VWF: variants seen among roughly 807,000 people sequenced by gnomAD.
The protein encoded by VWF is Factor VIII related antigen.
Under a neutral mutation model 308.6 loss-of-function variants are expected in VWF, and 176 were observed. That is an observed-to-expected ratio of 0.57 (90% CI 0.50 to 0.65). The LOEUF is 0.65. VWF is among the 30% of genes least tolerant of loss of function. VWF has a pLI of 0.00. For missense variants in VWF, 3,146 were observed against 3,648.2 expected (o/e 0.86, Z 3.55); for synonymous variants, 1,385 against 1,443.4 (o/e 0.96, Z 0.92).
At chr12:6,073,805 C>T in intron 7 of VWF, 64 bp from the exon 8 acceptor site, 1 of 1,609,580 alleles carries the variant, frequency 6.2e-7, no homozygotes, top group South Asian at 1.1e-5. Context: ...TCTCACCAGC[C>T]ATGCCACAGC....
At chr12:5,967,445 C>G in intron 47 of VWF, 41 bp downstream of exon 47, 1 of 1,564,548 alleles carries the variant, frequency 6.4e-7, no homozygotes, top group Non-Finnish European at 8.8e-7. Context: ...GTCCCACACG[C>G]GTCCAGTCCA....
intron 38 of VWF, among the ~76,000 whole-genome samples, chr12:5,988,801 C>CA (rs1231032540): frequency 1.3e-5 from 2 of 152,190 alleles, no homozygotes; most frequent in African/African-American, 4.8e-5. Context: ...CAGGCAGTCG[C>CA]AATCGCCAGG....
At chr12:5,962,845 G>A (rs10849364) in intron 47 of VWF, among the ~76,000 whole-genome samples, 43,175 of 152,034 alleles carry the variant, frequency 0.28, 6,358 homozygotes, top group African/African-American at 0.33. Flanking sequence ...CAGCACGCCC[G>A]GCCAGCAATT....
intron 24 of VWF, among the ~76,000 whole-genome samples, chr12:6,025,191 A>C (rs11611919): frequency 6.6e-6 from 1 of 152,014 alleles, no homozygotes; most frequent in Non-Finnish European, 1.5e-5. Flanking sequence ...AAGGGGTTTT[A>C]GGGGGTGGGA....
chr12:6,096,624 A>T (rs1272077470), intron 5 of VWF, among the ~76,000 whole-genome samples: 2 of 152,178 alleles, frequency 1.3e-5, no homozygotes, highest in Non-Finnish European at 2.9e-5. Flanking sequence ...ATGACATGGA[A>T]CCTAAGCCCA....
chr12:5,988,438 G>C (rs545095435), intron 38 of VWF, among the ~76,000 whole-genome samples: 2 of 152,308 alleles, frequency 1.3e-5, no homozygotes, highest in South Asian at 4.1e-4. Flanking sequence ...GATGCGGAAG[G>C]AGAGAGTCAT....
At chr12:6,092,614 T>TGAGTGAGAGAGAGAGAGAGCGAGAGAGA (rs71064187) in intron 6 of VWF, among the ~76,000 whole-genome samples, 1 of 86,056 alleles carries the variant, frequency 1.2e-5, no homozygotes, top group African/African-American at 5.8e-5. Context: ...AGTGAGTGAG[T>TGAGTGAGAGAGAGAGAGAGCGAGAGAGA]GAGAGTGTGT....
intron 16 of VWF, among the ~76,000 whole-genome samples, chr12:6,050,186 G>A (rs544822118): frequency 1.2e-4 from 18 of 152,212 alleles, no homozygotes; most frequent in Admixed American, 3.9e-4. Context: ...CTGTTCTTGC[G>A]TCACTGTCCT....
At position 6,073,701 on chromosome 12, in the gene VWF, C is replaced by T. The variant is rs773422295; in HGVS notation, c.915G>A (p.Val305=). Residue 305 remains valine (V), a synonymous_variant, in exon 8 of 52, where the codon GTG becomes GTA. Transcript: ENST00000261405. ...TCTGGCAGGTCCTGGCGCAAGGGGA[C>T]ACACACTGCCTATACTCCATACCAG... ...CPAGMEYRQC[V]SPCARTCQSL... is the part of the protein sequence containing the mutation. 1.9e-6 allele frequency: 3 copies of T among 1,614,062 alleles called. No homozygotes were observed. Among genetic ancestry groups the T allele is most frequent in the Non-Finnish European group, 8.5e-7 (1 of 1,180,020 alleles).
intron 6 of VWF, among the ~76,000 whole-genome samples, chr12:6,093,966 G>A (rs1945077842): frequency 6.6e-6 from 1 of 152,210 alleles, no homozygotes; most frequent in East Asian, 1.9e-4. Flanking sequence ...TGTGGAAGGG[G>A]TGGGGCAGTC....
At chr12:5,998,390 C>T (rs1187105847) in intron 34 of VWF, among the ~76,000 whole-genome samples, 2 of 142,750 alleles carry the variant, frequency 1.4e-5, no homozygotes, top group Admixed American at 7.1e-5. Context: ...CCCAGCTACT[C>T]GGGAGGCTGA....
chr12:6,113,843 G>A (rs975606765), intron 3 of VWF, among the ~76,000 whole-genome samples: 1 of 152,206 alleles, frequency 6.6e-6, no homozygotes, highest in Non-Finnish European at 1.5e-5. Flanking sequence ...TGGGGCTGGA[G>A]CTCTGAACAC....
At chr12:5,950,708 G>C (rs2136337677) in intron 50 of VWF, among the ~76,000 whole-genome samples, 1 of 152,048 alleles carries the variant, frequency 6.6e-6, no homozygotes, top group East Asian at 1.9e-4. Flanking sequence ...ATGTTGCTGT[G>C]GATTTAAGGC....
At position 6,070,341 on chromosome 12, in the gene VWF, A is replaced by G. The variant is rs1007810897; in HGVS notation, c.1156+956T>C. Reference sequence around the variant, plus strand: ...ACTGGATGAGGTCCTGAGTCATCCTAAAGTCTTTAACTCACAGACCCTAAA... The same window carrying G: ...ACTGGATGAGGTCCTGAGTCATCCTGAAGTCTTTAACTCACAGACCCTAAA... On this transcript the variant is annotated intron_variant, in intron 10 of 51. Transcript: ENST00000261405. Among the ~76,000 whole-genome samples, 3 of 152,190 alleles carry G rather than the reference A, an allele frequency of 2.0e-5. No homozygotes were observed. The East Asian group carries it at 5.8e-4, about 29-fold the overall frequency.
At position 6,092,614 on chromosome 12, in the gene VWF, T is replaced by TGAGA. The variant is rs1555073700; in HGVS notation, c.657+2842_657+2845dup. Among the ~76,000 whole-genome samples, 446 of 86,080 alleles carry TGAGA rather than the reference T, an allele frequency of 5.2e-3. 9 individuals carry two copies. Among genetic ancestry groups the TGAGA allele is most frequent in the Admixed American group, 9.2e-3 (80 of 8,672 alleles). The allele number at this position is 86,080 out of a possible 152,430, so 56.5% of individuals were successfully genotyped here. ...CATGCCCAGCTAGTTAGTGAGTGAG[T>TGAGA]GAGAGTGTGTGTGTGTGTGTGTGTG... On this transcript the variant is annotated intron_variant, in intron 6 of 51. Transcript: ENST00000261405.
chr12:6,086,783 G>C (rs189318497), intron 6 of VWF, among the ~76,000 whole-genome samples: 337 of 152,308 alleles, frequency 2.2e-3, no homozygotes, highest in Middle Eastern at 0.01. Context: ...TAAAAGGCTT[G>C]AGCAATATTT....
rs117166155 is a variant in VWF at position 6,087,020 on chromosome 12, G to A, written c.657+8440C>T. On this transcript the variant is annotated intron_variant, in intron 6 of 51. Transcript: ENST00000261405. ...AGTTCTACAAGATAATGGAGGACGC[G>A]AGAGAATGTGAAGACATGAATGGCC... Among the ~76,000 whole-genome samples the A allele has an allele frequency of 1.2e-3, 182 of 152,268 alleles. 2 individuals carry two copies. In the East Asian group the frequency reaches 0.025, roughly 21 times the overall value.
chr12:5,963,990 G>C (rs11063959), intron 47 of VWF, among the ~76,000 whole-genome samples: 1 of 151,536 alleles, frequency 6.6e-6, no homozygotes, highest in Non-Finnish European at 1.5e-5. Flanking sequence ...GGCAGATCAC[G>C]AGGTCAGGAG....
intron 42 of VWF, among the ~76,000 whole-genome samples, chr12:5,980,128 A>AGAG (rs1943584407): frequency 8.5e-6 from 1 of 117,344 alleles, no homozygotes; most frequent in Non-Finnish European, 1.8e-5. Context: ...GGAAGGAAGG[A>AGAG]AGGAAGGAAG....
Sources: gnomAD v4.1 joint callset for allele counts (sites outside exome capture counted in the v4.1 genomes callset) on GRCh38, gnomAD v4.1.1 for gene constraint, MANE v1.5 for transcripts, NCBI Gene and HGNC (gene_info 2026-07-23, HGNC 2026-07-21) for gene names.